The following MRPL30 variants were observed in gnomAD, a reference collection of about 807,000 sequenced individuals.
MRPL30 encodes the protein large ribosomal subunit protein uL30m.
In MRPL30, 10 loss-of-function variants were observed where a neutral mutation model predicts 17.2. That is an observed-to-expected ratio of 0.58 (90% CI 0.36 to 0.99). The LOEUF (loss-of-function observed/expected upper bound fraction) is 0.99, where lower values mean the gene tolerates loss of function less well. Among genes scored for constraint, MRPL30 ranks in the 50% least tolerant of loss-of-function variants. MRPL30 has a pLI of 0.01. For missense variants in MRPL30, 170 were observed against 189.8 expected, an observed-to-expected ratio of 0.90 and a Z score of 0.61; for synonymous variants, 61 against 62.1, an observed-to-expected ratio of 0.98 and a Z score of 0.08.
intron 3 of MRPL30, among the ~76,000 whole-genome samples, chr2:99,192,344 T>G (rs1356699491): frequency 6.6e-6 from 1 of 152,154 alleles, no homozygotes; most frequent in Non-Finnish European, 1.5e-5. Flanking sequence ...TGTGCCATGG[T>G]GGTTTGCTGC....
At chr2:99,191,268 G>A (rs1316554504) in intron 3 of MRPL30, among the ~76,000 whole-genome samples, 1 of 152,116 alleles carries the variant, frequency 6.6e-6, no homozygotes, top group East Asian at 1.9e-4. Flanking sequence ...GCCTCCCAAA[G>A]TGCTGGAATT....
intron 1 of MRPL30, among the ~76,000 whole-genome samples, 179 bp downstream of exon 1, chr2:99,181,428 T>TC (rs1242480012): frequency 6.6e-6 from 1 of 152,238 alleles, no homozygotes; most frequent in African/African-American, 2.4e-5. Flanking sequence ...GCCTGCAGGA[T>TC]CCCCCCGTTT....
At chr2:99,181,944 G>C (rs1311206951) in intron 1 of MRPL30, among the ~76,000 whole-genome samples, 1 of 150,184 alleles carries the variant, frequency 6.7e-6, no homozygotes, top group Non-Finnish European at 1.5e-5. Flanking sequence ...TGTCGGTTTA[G>C]AAAAAGAAAT....
chr2:99,184,143 G>A (rs1304181042), intron 1 of MRPL30, among the ~76,000 whole-genome samples: 1 of 152,032 alleles, frequency 6.6e-6, no homozygotes, highest in Non-Finnish European at 1.5e-5. Context: ...TACTTATTTT[G>A]TTGCTGAAAT....
In MRPL30 at chr2:99,188,258, G is replaced by A; in HGVS notation, c.132+1G>A. The A allele has an allele frequency of 1.9e-6, 3 of 1,600,302 alleles. No individual in the cohort carries two copies. Among genetic ancestry groups the A allele is most frequent in the Non-Finnish European group, 1.7e-6 (2 of 1,174,102 alleles). On this transcript the variant is annotated splice_donor_variant, in intron 3 of 5. Transcript: ENST00000338148. LOFTEE classifies it high-confidence loss of function. ...CACCAGATCAAGAATTCCAGAAAAA[G>A]TAAGAACAAAGTTTGATTTTTTTAA...
chr2:99,187,827 CAA>C (rs1045956887), intron 2 of MRPL30, among the ~76,000 whole-genome samples: 4 of 130,984 alleles, frequency 3.1e-5, no homozygotes, highest in Non-Finnish European at 3.3e-5. Flanking sequence ...GACTCCGTCT[CAA>C]AAAAAAAAAA....
chr2:99,192,526 G>A (rs2093948454), intron 3 of MRPL30, among the ~76,000 whole-genome samples: 1 of 152,094 alleles, frequency 6.6e-6, no homozygotes, highest in Admixed American at 6.6e-5. Context: ...GAGGATGATG[G>A]CATCCAGCTT....
chr2:99,196,005 C>T lies in MRPL30; in HGVS notation c.*300C>T, dbSNP rs771501359. 2.0e-5 allele frequency: 6 copies of T among 300,684 alleles called. No individual in the cohort carries two copies. Among genetic ancestry groups the T allele is most frequent in the Non-Finnish European group, 3.1e-5 (5 of 159,984 alleles). 18.6% of individuals were successfully genotyped at this position (300,684 alleles called of 1,614,324 possible). ...CTGAAGCAGGAGAATCACTTGAACCCGGGAGGCAGAGGTTGCAGTGAGCTG... is the reference window on the plus strand; with the variant it reads ...CTGAAGCAGGAGAATCACTTGAACCTGGGAGGCAGAGGTTGCAGTGAGCTG... On this transcript the variant is annotated 3_prime_UTR_variant, in exon 6 of 6. Coordinates refer to ENST00000338148, the MANE Select transcript of MRPL30 (RefSeq NM_145212.4).
intron 3 of MRPL30, among the ~76,000 whole-genome samples, chr2:99,190,570 A>C (rs566233195): frequency 7.2e-5 from 11 of 151,864 alleles, no homozygotes; most frequent in Non-Finnish European, 1.6e-4. Flanking sequence ...AACAAAATAA[A>C]GAAATCTTTT....
intron 3 of MRPL30, 99 bp from the exon 4 acceptor site, chr2:99,194,652 T>G: frequency 2.0e-6 from 2 of 996,056 alleles, no homozygotes; most frequent in Non-Finnish European, 3.0e-6. Flanking sequence ...GAGGTAATTA[T>G]GTAGTTGTGT....
In MRPL30 at chr2:99,197,589, CTG is replaced by C. The variant is rs986448897; in HGVS notation, c.*1887_*1888del. 6.6e-6 allele frequency: 1 copy of C among 152,164 alleles called. No homozygotes were observed. The highest frequency in any genetic ancestry group is 6.6e-5 in the Admixed American group (1 of 15,264). 9.4% of individuals were successfully genotyped at this position (152,164 alleles called of 1,614,324 possible). On this transcript the variant is annotated 3_prime_UTR_variant, in exon 6 of 6. Coordinates refer to ENST00000338148, the MANE Select transcript of MRPL30 (RefSeq NM_145212.4). ...CTTGCTTATGTGGGGTCGAAGACAT[CTG>C]TGAAAATAAAAGCAGCCTCTGCTAA... is the stretch of plus-strand genomic sequence containing the variant.
chr2:99,182,472 G>A lies in MRPL30; in HGVS notation c.-28+1223G>A, dbSNP rs987664996. The stretch of plus-strand genomic sequence containing the variant: ...GGGGAGGCCGAGGCAGGAGAATGGC[G>A]TGAACCCGGGAGGCGGAGCTTGCAG... On this transcript the variant is annotated intron_variant, in intron 1 of 5. Transcript: ENST00000338148. Among the ~76,000 whole-genome samples the A allele has an allele frequency of 1.2e-4, 19 of 152,228 alleles. No individual in the cohort carries two copies. The East Asian group carries it at 3.7e-3, about 29-fold the overall frequency.
intron 1 of MRPL30, 95 bp from the exon 2 acceptor site, chr2:99,186,082 T>G: frequency 1.4e-6 from 1 of 736,042 alleles, no homozygotes; most frequent in Non-Finnish European, 2.3e-6. Context: ...AGTTTACAAT[T>G]AATTTGCTGC....
intron 5 of MRPL30, 128 bp downstream of exon 5, chr2:99,195,317 T>A (rs2093953334): frequency 1.1e-6 from 1 of 917,508 alleles, no homozygotes; most frequent in Non-Finnish European, 1.6e-6. Flanking sequence ...TGTTTTTTTT[T>A]AATTGACACA....
chr2:99,185,275 G>A (rs1574843488), intron 1 of MRPL30, among the ~76,000 whole-genome samples: 2 of 152,012 alleles, frequency 1.3e-5, no homozygotes, highest in Non-Finnish European at 2.9e-5. Flanking sequence ...GAAAGGTTGG[G>A]GACTGCAGTT....
rs2093956107 is a variant in MRPL30 at position 99,196,993 on chromosome 2, T to C, written c.*1288T>C. 1 of 152,238 alleles carries C rather than the reference T, an allele frequency of 6.6e-6. No individual in the cohort carries two copies. Among genetic ancestry groups the C allele is most frequent in the South Asian group, 2.1e-4 (1 of 4,834 alleles). 9.4% of individuals were successfully genotyped at this position (152,238 alleles called of 1,614,324 possible). On this transcript the variant is annotated 3_prime_UTR_variant, in exon 6 of 6. Transcript: ENST00000338148. Reference sequence around the variant, plus strand: ...GGAACAAGGGTGTGAAATGAAAATATTTTAGGATTTATTCAAAAACAGACT... The same window carrying C: ...GGAACAAGGGTGTGAAATGAAAATACTTTAGGATTTATTCAAAAACAGACT...
In MRPL30 at chr2:99,187,327, T is replaced by A. The variant is rs78514236; in HGVS notation, c.52-850T>A. Among the ~76,000 whole-genome samples the A allele has an allele frequency of 2.2e-3, 340 of 152,302 alleles. 1 individual carries two copies. The highest frequency in any genetic ancestry group is 4.2e-3 in the Non-Finnish European group (286 of 68,012). On this transcript the variant is annotated intron_variant, in intron 2 of 5. Coordinates refer to ENST00000338148, the MANE Select transcript of MRPL30 (RefSeq NM_145212.4). ...TGAGAGAAATGGGATTGGAGGAATG[T>A]AGAGCAGGAACAAGAGGTAGGAACT...
intron 2 of MRPL30, among the ~76,000 whole-genome samples, chr2:99,187,581 G>A (rs924083833): frequency 2.6e-5 from 4 of 152,040 alleles, no homozygotes; most frequent in Non-Finnish European, 4.4e-5. Flanking sequence ...ATCCCAGCAC[G>A]TTGGGAGGCC....
intron 3 of MRPL30, among the ~76,000 whole-genome samples, chr2:99,193,943 C>T (rs1477705992): frequency 6.7e-6 from 1 of 148,824 alleles, no homozygotes; most frequent in Non-Finnish European, 1.5e-5. Context: ...GAGGCTGAAG[C>T]AAGAGAATCG....
Sources: allele counts gnomAD v4.1 joint callset (sites outside exome capture counted in the v4.1 genomes callset), GRCh38; gene constraint gnomAD v4.1.1; transcripts MANE v1.5; gene names NCBI Gene and HGNC (gene_info 2026-07-23, HGNC 2026-07-21).